Variants in VPS53 observed in about 807,000 individuals in gnomAD.
The protein encoded by VPS53 is vacuolar protein sorting-associated protein 53 homolog.
Under a neutral mutation model 107.0 loss-of-function variants are expected in VPS53, and 70 were observed. The ratio of observed to expected loss-of-function variants is 0.65; its 90% CI spans 0.54 to 0.80. The LOEUF is 0.80. Ranked by LOEUF, VPS53 falls within the 30% of genes least tolerant of loss-of-function variation. The pLI is 0.00. For synonymous variants in VPS53, 409 were observed against 393.3 expected (o/e 1.04, Z -0.47); for missense variants, 917 against 1,049.4 (o/e 0.87, Z 1.74).
At position 520,190 on chromosome 17, in the gene VPS53, C is replaced by T. The variant is rs1908619874; in HGVS notation, c.2224-260G>A. Reference sequence around the variant, plus strand: ...CCACTACAGCAATGTCCTAAATTTGCTGAATCCTAAATACACCTGCGCTGC... The same window carrying T: ...CCACTACAGCAATGTCCTAAATTTGTTGAATCCTAAATACACCTGCGCTGC... On this transcript the variant is annotated intron_variant, in intron 20 of 21. Transcript: ENST00000437048. The surrounding 1 kb of genome is among the most constrained non-coding windows in gnomAD (Gnocchi z 4.4). Among the ~76,000 whole-genome samples the T allele has an allele frequency of 6.6e-6, 1 of 152,192 alleles. No individual in the cohort carries two copies. The highest frequency in any genetic ancestry group is 2.4e-5 in the African/African-American group (1 of 41,448).
At chr17:600,302 C>T (rs1433257831) in intron 12 of VPS53, among the ~76,000 whole-genome samples, 4 of 152,190 alleles carry the variant, frequency 2.6e-5, no homozygotes, top group African/African-American at 9.7e-5. Context: ...TACTAGCATT[C>T]GTGAGACATC....
intron 1 of VPS53, among the ~76,000 whole-genome samples, chr17:711,648 C>G (rs762758415): frequency 2.0e-5 from 3 of 151,958 alleles, no homozygotes; most frequent in Non-Finnish European, 4.4e-5. Context: ...TTTCTGTATT[C>G]CTCTCACGAC....
At chr17:614,288 C>T (rs1297717664) in intron 11 of VPS53, among the ~76,000 whole-genome samples, 1 of 151,976 alleles carries the variant, frequency 6.6e-6, no homozygotes, top group Non-Finnish European at 1.5e-5. Context: ...AGTTATATCT[C>T]AATTTTAAAA....
chr17:620,931 AAAGG>A (rs1247364473), intron 11 of VPS53, among the ~76,000 whole-genome samples: 1 of 152,232 alleles, frequency 6.6e-6, no homozygotes, highest in East Asian at 1.9e-4. Flanking sequence ...TTGTTACAAG[AAAGG>A]ATTTGGAAAT....
intron 17 of VPS53, among the ~76,000 whole-genome samples, chr17:543,922 A>C: frequency 1.3e-5 from 1 of 77,250 alleles, no homozygotes; most frequent in Non-Finnish European, 2.5e-5. Context: ...GGGAGGGGAC[A>C]GGGGAAGGGA....
chr17:661,564 C>CA (rs1043462151), intron 5 of VPS53, among the ~76,000 whole-genome samples: 21 of 145,208 alleles, frequency 1.4e-4, no homozygotes, highest in African/African-American at 4.5e-4. Context: ...CAAAACAAAA[C>CA]AAAAAAGTTG....
rs555174709 is a variant in VPS53 at position 512,920 on chromosome 17, G to C, written c.*6208C>G. 2 of 152,466 alleles carry C rather than the reference G, an allele frequency of 1.3e-5. No homozygotes were observed. The highest frequency in any genetic ancestry group is 3.4e-3 in the Middle Eastern group (1 of 294). 9.4% of individuals were successfully genotyped at this position (152,466 alleles called of 1,614,324 possible). A position where few individuals can be genotyped will look rare whatever the true frequency, so the allele number is the denominator to read the frequency against. On this transcript the variant is annotated 3_prime_UTR_variant, in exon 22 of 22. Transcript: ENST00000437048. Reference sequence around the variant, plus strand: ...CACTTGGCCGTCACTGGAAGAGCAGGCTGTGATGGGAACGGTAAGGACAGA... The same window carrying C: ...CACTTGGCCGTCACTGGAAGAGCAGCCTGTGATGGGAACGGTAAGGACAGA...
At chr17:558,649 T>C (rs983974504) in intron 15 of VPS53, among the ~76,000 whole-genome samples, 3 of 138,212 alleles carry the variant, frequency 2.2e-5, no homozygotes, top group African/African-American at 8.1e-5. Context: ...AAAAGCAAAA[T>C]TTGAAGCACT....
At chr17:636,563 T>G (rs540408411) in intron 7 of VPS53, among the ~76,000 whole-genome samples, 1 of 152,352 alleles carries the variant, frequency 6.6e-6, no homozygotes, top group East Asian at 1.9e-4. Context: ...TTGTCATAGA[T>G]AGCTCTTATT....
intron 7 of VPS53, among the ~76,000 whole-genome samples, chr17:639,966 G>T (rs2143298265): frequency 6.6e-6 from 1 of 152,358 alleles, no homozygotes; most frequent in African/African-American, 2.4e-5. Flanking sequence ...TGTTTCTGCT[G>T]CCTTTTGTTT....
At chr17:662,747 G>C (rs1567719677) in intron 4 of VPS53, among the ~76,000 whole-genome samples, 1 of 18,340 alleles carries the variant, frequency 5.5e-5, no homozygotes, top group African/African-American at 9.8e-5. Flanking sequence ...GAGAGACAAA[G>C]AAAGAGAAAG....
chr17:710,124 G>T (rs1042786357), intron 2 of VPS53, among the ~76,000 whole-genome samples: 1 of 152,010 alleles, frequency 6.6e-6, no homozygotes, highest in Non-Finnish European at 1.5e-5. Context: ...CAGCCTGAAC[G>T]ACAACAGCAA....
In VPS53 at chr17:530,145, T is replaced by C. The variant is rs553947587; in HGVS notation, c.2085+2697A>G. ...AGCAACCTTGCTAAATTTATATTCT[T>C]TTTTTTTTTTTTTTTTTGAGACGGA... On this transcript the variant is annotated intron_variant, in intron 19 of 21. Transcript: ENST00000437048. 3.0e-4 allele frequency among the ~76,000 whole-genome samples: 26 copies of C among 86,616 alleles called. No individual in the cohort carries two copies. The South Asian group carries it at 9.5e-3, about 32-fold the overall frequency. The allele number at this position is 86,616 out of a possible 152,430, so 56.8% of individuals were successfully genotyped here. A position where few individuals can be genotyped will look rare whatever the true frequency, so the allele number is the denominator to read the frequency against.
chr17:657,105 G>T, intron 5 of VPS53: 1 of 1,101,802 alleles, frequency 9.1e-7, no homozygotes, highest in Non-Finnish European at 1.4e-6. Flanking sequence ...AAATCAATCT[G>T]AATGGTGTCA....
At chr17:714,479 AC>A in intron 1 of VPS53, 143 bp downstream of exon 1, 1 of 716,802 alleles carries the variant, frequency 1.4e-6, no homozygotes, top group African/African-American at 1.8e-5. Flanking sequence ...ACCGCTTCTC[AC>A]CCGCACCACC....
rs908816367 is a variant in VPS53, at chr17:511,776, T to A, written c.*7352A>T. 7.2e-5 allele frequency: 11 copies of A among 151,846 alleles called. No homozygotes were observed. Among genetic ancestry groups the A allele is most frequent in the African/African-American group, 2.4e-4 (10 of 41,280 alleles). 9.4% of individuals were successfully genotyped at this position (151,846 alleles called of 1,614,324 possible). The stretch of plus-strand genomic sequence containing the variant: ...AGAAGAAGAAGAAAAAAGGCAAGAA[T>A]AAGTAAAAGGAAAAAAAAGAAAAAG... On this transcript the variant is annotated 3_prime_UTR_variant, in exon 22 of 22. Coordinates refer to ENST00000437048, the MANE Select transcript of VPS53 (RefSeq NM_001128159.3).
intron 4 of VPS53, among the ~76,000 whole-genome samples, chr17:677,986 T>C (rs1465196819): frequency 1.3e-5 from 2 of 152,018 alleles, no homozygotes; most frequent in African/African-American, 4.8e-5. Flanking sequence ...CCAGGCGTGG[T>C]GGCGAGTGCC....
intron 11 of VPS53, among the ~76,000 whole-genome samples, chr17:619,766 G>T (rs55945600): frequency 2.8e-3 from 138 of 49,052 alleles, no homozygotes; most frequent in African/African-American, 0.01. Flanking sequence ...GACTACAGGC[G>T]TGCACCACCA....
At position 519,752 on chromosome 17, in the gene VPS53, A is replaced by G; in HGVS notation, c.2328+74T>C. ...TTGAGAAAGCCCCCCCGGAACTTAT[A>G]TCCCAATTCCCGGTTAAGAACCGCT... On this transcript the variant is annotated intron_variant, in intron 21 of 21. Transcript: ENST00000437048. The surrounding 1 kb of genome is among the most constrained non-coding windows in gnomAD (Gnocchi z 5.0). The G allele has an allele frequency of 8.9e-7, 1 of 1,123,600 alleles. No individual in the cohort carries two copies. The highest frequency in any genetic ancestry group is 1.3e-6 in the Non-Finnish European group (1 of 763,164). 69.6% of individuals were successfully genotyped at this position (1,123,600 alleles called of 1,614,324 possible). A position where few individuals can be genotyped will look rare whatever the true frequency, so the allele number is the denominator to read the frequency against.
Sources: allele counts gnomAD v4.1 joint callset (sites outside exome capture counted in the v4.1 genomes callset), GRCh38; gene constraint gnomAD v4.1.1; non-coding constraint Gnocchi (gnomAD v3.1); transcripts MANE v1.5; gene names NCBI Gene and HGNC (gene_info 2026-07-23, HGNC 2026-07-21).